Variants in GPC5 observed in about 807,000 individuals in gnomAD.
GPC5 encodes glypican-5.
A neutral mutation model predicts 53.9 loss-of-function variants in GPC5; 47 were observed. The ratio of observed to expected loss-of-function variants is 0.87; its 90% CI spans 0.69 to 1.11. The LOEUF is 1.11. Ranked by LOEUF, GPC5 falls within the 50% of genes most tolerant of loss-of-function variation. The pLI is 0.00. For missense variants in GPC5, 748 were observed against 713.1 expected, an observed-to-expected ratio of 1.05 and a Z score of -0.56; for synonymous variants, 286 against 263.3, an observed-to-expected ratio of 1.09 and a Z score of -0.84.
chr13:91,915,708 G>A (rs1490484435), intron 6 of GPC5, among the ~76,000 whole-genome samples: 4 of 152,002 alleles, frequency 2.6e-5, no homozygotes, highest in Non-Finnish European at 1.5e-5. Context: ...ATTTCTGCTT[G>A]AAATATTTTG....
chr13:91,777,656 T>A (rs1003870235), intron 5 of GPC5, among the ~76,000 whole-genome samples: 1 of 152,160 alleles, frequency 6.6e-6, no homozygotes, highest in Non-Finnish European at 1.5e-5. Flanking sequence ...AATTAAAAAA[T>A]GTCCTTGATG....
At chr13:91,484,851 T>C (rs1883501326) in intron 2 of GPC5, among the ~76,000 whole-genome samples, 1 of 152,198 alleles carries the variant, frequency 6.6e-6, no homozygotes, top group Non-Finnish European at 1.5e-5. Flanking sequence ...GCTTGCTTTA[T>C]CCTAGATGAT....
chr13:91,696,561 C>T (rs1484049363), intron 3 of GPC5, among the ~76,000 whole-genome samples: 3 of 152,080 alleles, frequency 2.0e-5, no homozygotes, highest in African/African-American at 7.2e-5. Context: ...TACTGGAAAG[C>T]CAGCAAATAA....
intron 7 of GPC5, among the ~76,000 whole-genome samples, chr13:92,594,556 G>C (rs571375100): frequency 6.6e-6 from 1 of 152,270 alleles, no homozygotes; most frequent in East Asian, 1.9e-4. Context: ...AGTTTTGAGG[G>C]TTGTGATCCT....
intron 7 of GPC5, among the ~76,000 whole-genome samples, chr13:92,562,653 C>T (rs1021894888): frequency 2.0e-5 from 3 of 151,962 alleles, no homozygotes; most frequent in Admixed American, 6.6e-5. Flanking sequence ...GCTGCGAAAT[C>T]ATCTTTGCTT....
intron 6 of GPC5, among the ~76,000 whole-genome samples, chr13:92,085,274 C>T (rs2041326999): frequency 6.6e-6 from 1 of 152,130 alleles, no homozygotes; most frequent in Non-Finnish European, 1.5e-5. Context: ...GGTAAAGTTA[C>T]TGAAGTTGCA....
At chr13:91,753,922 G>T (rs1438221181) in intron 4 of GPC5, among the ~76,000 whole-genome samples, 1 of 152,110 alleles carries the variant, frequency 6.6e-6, no homozygotes, top group Non-Finnish European at 1.5e-5. Context: ...TGTGTTCTTA[G>T]AAGGCAGGTG....
chr13:91,456,041 C>G (rs1246307901), intron 2 of GPC5, among the ~76,000 whole-genome samples: 2 of 152,086 alleles, frequency 1.3e-5, no homozygotes, highest in African/African-American at 4.8e-5. Flanking sequence ...CTCTCTGGCC[C>G]AGAGATCTCC....
At chr13:92,342,397 C>A (rs1466731009) in intron 7 of GPC5, among the ~76,000 whole-genome samples, 1 of 152,218 alleles carries the variant, frequency 6.6e-6, no homozygotes, top group East Asian at 1.9e-4. Flanking sequence ...TTAAACCCAT[C>A]CCCAATATTG....
chr13:91,897,027 T>TTCC (rs139144986), intron 5 of GPC5, among the ~76,000 whole-genome samples: 134,616 of 151,534 alleles, frequency 0.89, 60,123 homozygotes, highest in East Asian at 1. Context: ...CCTCTTCTTC[T>TTCC]TCCTCCTCCT....
chr13:92,335,105 C>T (rs1230748772), intron 7 of GPC5, among the ~76,000 whole-genome samples: 1 of 152,188 alleles, frequency 6.6e-6, no homozygotes, highest in Non-Finnish European at 1.5e-5. Context: ...TTCCCTTCAG[C>T]ACTGCCATAG....
At chr13:92,015,141 T>G (rs1202160190) in intron 6 of GPC5, among the ~76,000 whole-genome samples, 1 of 152,132 alleles carries the variant, frequency 6.6e-6, no homozygotes, top group African/African-American at 2.4e-5. Flanking sequence ...GGTTGTTTCC[T>G]CGGGGAAAGG....
chr13:92,613,374 A>AAT (rs1555295307), intron 7 of GPC5, among the ~76,000 whole-genome samples: 69 of 79,222 alleles, frequency 8.7e-4, no homozygotes, highest in African/African-American at 3.4e-3. Flanking sequence ...TTTATATATA[A>AAT]ATATATTATA....
At chr13:92,553,344 G>T (rs938636466) in intron 7 of GPC5, among the ~76,000 whole-genome samples, 1 of 151,736 alleles carries the variant, frequency 6.6e-6, no homozygotes, top group Non-Finnish European at 1.5e-5. Context: ...TATTACTTTA[G>T]TCCTCATAAT....
intron 7 of GPC5, among the ~76,000 whole-genome samples, chr13:92,712,511 G>C (rs1888175188): frequency 1.3e-5 from 2 of 151,848 alleles, no homozygotes; most frequent in African/African-American, 4.8e-5. Context: ...TAAAGACTTT[G>C]GCACCTACAC....
chr13:92,159,735 T>TG (rs941126195), intron 7 of GPC5, among the ~76,000 whole-genome samples: 4 of 150,546 alleles, frequency 2.7e-5, no homozygotes, highest in Non-Finnish European at 5.9e-5. Flanking sequence ...CCCGAGTAGC[T>TG]GGGACTACAG....
At chr13:92,831,312 A>C (rs1428234355) in intron 7 of GPC5, among the ~76,000 whole-genome samples, 1 of 152,154 alleles carries the variant, frequency 6.6e-6, no homozygotes, top group African/African-American at 2.4e-5. Context: ...TGCTAATTTA[A>C]ATTTTTTTAT....
At position 91,930,171 on chromosome 13, in the gene GPC5, C is replaced by G. The variant is rs1729690550; in HGVS notation, c.1401+22114C>G. 2.0e-5 allele frequency among the ~76,000 whole-genome samples: 3 copies of G among 152,110 alleles called. No individual in the cohort carries two copies. The South Asian group carries it at 6.2e-4, about 32-fold the overall frequency. On this transcript the variant is annotated intron_variant, in intron 6 of 7. Transcript: ENST00000377067. Reference sequence around the variant, plus strand: ...GGCCTTTCTAAATGGATAGAACGACCATGAAGCCATGGGCATTGTTTTGTT... The same window carrying G: ...GGCCTTTCTAAATGGATAGAACGACGATGAAGCCATGGGCATTGTTTTGTT...
Position 92,478,512 on chromosome 13 carries a change from T to A in GPC5, c.1561+333523T>A, listed in dbSNP as rs578232529. ...GATCATTATCTGCAAAAGTGATAAT[T>A]CGCTAAAAATGTATGCCTAACTTGG... On this transcript the variant is annotated intron_variant, in intron 7 of 7. Coordinates refer to ENST00000377067, the MANE Select transcript of GPC5 (RefSeq NM_004466.6). Among the ~76,000 whole-genome samples the A allele has an allele frequency of 2.0e-5, 3 of 152,316 alleles. No homozygotes were observed. The East Asian group carries it at 5.8e-4, about 29-fold the overall frequency.
Sources: allele counts gnomAD v4.1 joint callset (sites outside exome capture counted in the v4.1 genomes callset), GRCh38; gene constraint gnomAD v4.1.1; transcripts MANE v1.5; gene names NCBI Gene and HGNC (gene_info 2026-07-23, HGNC 2026-07-21).